Variants in TRPV2 observed in about 807,000 individuals in gnomAD.
The protein encoded by TRPV2 is transient receptor potential cation channel subfamily V member 2, also known as OTRPC2.
A neutral mutation model predicts 91.0 loss-of-function variants in TRPV2; 58 were observed. That is an observed-to-expected ratio of 0.64 (90% CI 0.52 to 0.79). The LOEUF (loss-of-function observed/expected upper bound fraction) is 0.79, where lower values mean the gene tolerates loss of function less well. TRPV2 is among the 30% of genes least tolerant of loss of function. TRPV2 has a pLI of 0.00. For synonymous variants in TRPV2, 417 were observed against 414.8 expected, an observed-to-expected ratio of 1.01 and a Z score of -0.06; for missense variants, 807 against 969.6, an observed-to-expected ratio of 0.83 and a Z score of 2.23.
At chr17:16,433,834 C>A in intron 13 of TRPV2, 136 bp downstream of exon 13, 2 of 1,300,512 alleles carry the variant, frequency 1.5e-6, no homozygotes, top group Admixed American at 2.6e-5. Context: ...AGGGACTGAG[C>A]CTGAGCAGGT....
In TRPV2 at chr17:16,435,654, C is replaced by T. The variant is rs535931616; in HGVS notation, c.2194+685C>T. On this transcript the variant is annotated intron_variant, in intron 14 of 14. Transcript: ENST00000338560. This position sits in a 1 kb window ranked among gnomAD's most constrained non-coding sequence, Gnocchi z 4.2. ...TTCTAGAACCTTCAATAGCTCCCAC[C>T]TTCCACTGGTTCACCTCCTCTCCTT... 6.6e-6 allele frequency among the ~76,000 whole-genome samples: 1 copy of T among 152,290 alleles called. No homozygotes were observed. The highest frequency in any genetic ancestry group is 2.4e-5 in the African/African-American group (1 of 41,554).
Position 16,422,685 on chromosome 17 carries a change from A to G in TRPV2, c.421A>G (p.Ile141Val). ...VNACILPLLQ[I>V]DRDSGNPQPL... Reference sequence around the variant, plus strand: ...TGCCTGCATTCTGCCACTGCTGCAGATCGACAGGGACTCTGGCAATCCTCA... The same window carrying G: ...TGCCTGCATTCTGCCACTGCTGCAGGTCGACAGGGACTCTGGCAATCCTCA... The change falls in exon 4 of 15, where the codon ATC (isoleucine) becomes GTC (valine). Residue 141 changes from isoleucine to valine, a missense_variant. By Grantham distance (29) the Ile-to-Val change is conservative. Coordinates refer to ENST00000338560, the MANE Select transcript of TRPV2 (RefSeq NM_016113.5). 6.2e-7 allele frequency: 1 copy of G among 1,612,884 alleles called. No individual in the cohort carries two copies. The highest frequency in any genetic ancestry group is 8.5e-7 in the Non-Finnish European group (1 of 1,179,378).
Position 16,427,501 on chromosome 17 carries a change from G to C in TRPV2, c.1304G>C (p.Gly435Ala). ...GTTGGAAACTCCATGCTGCTGACGG[G>C]CCACATCCTTATCCTGCTAGGGGGG... The part of the protein sequence containing the change: ...AEVGNSMLLT[G>A]HILILLGGIY... Residue 435 changes from glycine (G) to alanine (A), a missense_variant, in exon 8 of 15, where the codon GGC becomes GCC. Coordinates refer to ENST00000338560, the MANE Select transcript of TRPV2 (RefSeq NM_016113.5). 6.2e-7 allele frequency: 1 copy of C among 1,613,812 alleles called. No individual in the cohort carries two copies. The highest frequency in any genetic ancestry group is 8.5e-7 in the Non-Finnish European group (1 of 1,179,780).
intron 12 of TRPV2, among the ~76,000 whole-genome samples, chr17:16,432,652 G>A (rs530119822): frequency 5.9e-5 from 9 of 151,914 alleles, no homozygotes; most frequent in African/African-American, 1.7e-4. Flanking sequence ...ATGTTGCCCC[G>A]GCCTCAGGTG....
chr17:16,422,189 G>A (rs969290739), intron 3 of TRPV2, among the ~76,000 whole-genome samples: 1 of 151,812 alleles, frequency 6.6e-6, no homozygotes, highest in African/African-American at 2.4e-5. Flanking sequence ...CGGGTGTGGC[G>A]GTGTGCGCCT....
chr17:16,427,843 G>A (rs62074232), intron 8 of TRPV2, among the ~76,000 whole-genome samples: 57,668 of 152,092 alleles, frequency 0.38, 11,243 homozygotes, highest in Non-Finnish European at 0.4. Context: ...CAGGCCCCTC[G>A]GCTGGGAAGC....
At chr17:16,423,377 C>A in intron 4 of TRPV2, 92 bp from the exon 5 acceptor site, 2 of 1,422,692 alleles carry the variant, frequency 1.4e-6, no homozygotes, top group Non-Finnish European at 1.9e-6. Flanking sequence ...TGACCTGTTT[C>A]AAGGAGGGCT....
intron 3 of TRPV2, among the ~76,000 whole-genome samples, 168 bp downstream of exon 3, chr17:16,420,416 C>T (rs1315840059): frequency 6.6e-6 from 1 of 152,160 alleles, no homozygotes; most frequent in Non-Finnish European, 1.5e-5. Flanking sequence ...CAAGGATGGC[C>T]TCCTGTCAGT....
intron 1 of TRPV2, among the ~76,000 whole-genome samples, chr17:16,417,220 A>G (rs1371830016): frequency 1.3e-5 from 2 of 151,164 alleles, no homozygotes; most frequent in African/African-American, 4.9e-5. Context: ...CATTTTTGCC[A>G]TTAGAAGTAA....
chr17:16,419,802 C>T (rs578007121), intron 2 of TRPV2, among the ~76,000 whole-genome samples: 3 of 152,266 alleles, frequency 2.0e-5, no homozygotes, highest in East Asian at 1.9e-4. Context: ...AGTGGGATAT[C>T]GAGGCTGTTG....
intron 1 of TRPV2, among the ~76,000 whole-genome samples, chr17:16,416,864 C>T (rs1036864170): frequency 2.0e-5 from 3 of 152,218 alleles, no homozygotes; most frequent in Non-Finnish European, 4.4e-5. Context: ...AGCTCCCCTT[C>T]TTTGGCGAGG....
chr17:16,433,489 C>T, intron 12 of TRPV2, 85 bp from the exon 13 acceptor site: 2 of 1,553,738 alleles, frequency 1.3e-6, no homozygotes, highest in Non-Finnish European at 1.7e-6. Context: ...TGCTGCGCGG[C>T]ACTTCCCTGC....
intron 3 of TRPV2, among the ~76,000 whole-genome samples, 169 bp from the exon 4 acceptor site, chr17:16,422,430 T>C (rs2093362452): frequency 6.6e-6 from 1 of 152,240 alleles, no homozygotes; most frequent in African/African-American, 2.4e-5. Context: ...TATCTGTTAC[T>C]TGGAGCCTTA....
At chr17:16,420,383 GGGGC>G in intron 3 of TRPV2, 135 bp downstream of exon 3, 6 of 1,150,454 alleles carry the variant, frequency 5.2e-6, no homozygotes, top group Non-Finnish European at 7.4e-6. Context: ...GGATGGCTGG[GGGGC>G]CCTGTGGACA....
rs60066961 is a variant in TRPV2 at position 16,431,256 on chromosome 17, CATATATAT to C, written c.1588-504_1588-497del. On this transcript the variant is annotated intron_variant, in intron 10 of 14. Coordinates refer to ENST00000338560, the MANE Select transcript of TRPV2 (RefSeq NM_016113.5). Reference sequence around the variant, plus strand: ...AGCAGGAAAACAATGTGATCTGAGACATATATATATATATATATATATATATATATACA... The same window carrying C: ...AGCAGGAAAACAATGTGATCTGAGACATATATATATATATATATATATACA... Among the ~76,000 whole-genome samples, 383 of 67,790 alleles carry C rather than the reference CATATATAT, an allele frequency of 5.6e-3. 13 individuals carry two copies. Among genetic ancestry groups the C allele is most frequent in the African/African-American group, 0.024 (345 of 14,490 alleles). The allele number at this position is 67,790 out of a possible 152,430, so 44.5% of individuals were successfully genotyped here.
chr17:16,433,469 T>C (rs1600992047), intron 12 of TRPV2, 105 bp from the exon 13 acceptor site: 1 of 1,493,408 alleles, frequency 6.7e-7, no homozygotes. Context: ...CTTCGCGTTA[T>C]ACTGTGAAGT....
Position 16,426,706 on chromosome 17 carries a change from C to A in TRPV2, c.1096-16C>A. On this transcript the variant is annotated splice_polypyrimidine_tract_variant and intron_variant, in intron 6 of 14. Coordinates refer to ENST00000338560, the MANE Select transcript of TRPV2 (RefSeq NM_016113.5). This position sits in a 1 kb window ranked among gnomAD's most constrained non-coding sequence, Gnocchi z 6.0. Reference sequence around the variant, plus strand: ...ACTTGTTGAGTGTACCCATGGCTCTCCCCTCCCCACCCCAGCACCGACACC... The same window carrying A: ...ACTTGTTGAGTGTACCCATGGCTCTACCCTCCCCACCCCAGCACCGACACC... 1 of 1,608,738 alleles carries A rather than the reference C, an allele frequency of 6.2e-7. No individual in the cohort carries two copies. The highest frequency in any genetic ancestry group is 1.1e-5 in the South Asian group (1 of 90,164).
chr17:16,431,872 C>T (rs747336987), intron 11 of TRPV2, 22 bp downstream of exon 11: 26 of 1,613,918 alleles, frequency 1.6e-5, no homozygotes, highest in African/African-American at 1.5e-4. Flanking sequence ...CTCCGGCCCC[C>T]TCCCCCTTCC....
intron 2 of TRPV2, among the ~76,000 whole-genome samples, chr17:16,418,740 C>T (rs532344823): frequency 1.5e-4 from 23 of 152,182 alleles, no homozygotes; most frequent in Admixed American, 9.8e-4. Flanking sequence ...AATGGGCTTC[C>T]CTACCCCAGG....
Sources: allele counts gnomAD v4.1 joint callset (sites outside exome capture counted in the v4.1 genomes callset), GRCh38; gene constraint gnomAD v4.1.1; non-coding constraint Gnocchi (gnomAD v3.1); transcripts MANE v1.5; gene names NCBI Gene and HGNC (gene_info 2026-07-23, HGNC 2026-07-21).